Variants in MYT1L observed in about 807,000 individuals in gnomAD.
The protein encoded by MYT1L is myelin transcription factor 1 like, also known as myelin transcription factor 1-like protein.
In MYT1L, 12 loss-of-function variants were observed where a neutral mutation model predicts 126.7. That is an observed-to-expected ratio of 0.09 (90% CI 0.06 to 0.15). MYT1L has a LOEUF of 0.15. Ranked by LOEUF, MYT1L falls within the 10% of genes least tolerant of loss-of-function variation. The probability of loss-of-function intolerance (pLI) is 1.00; values close to 1 mark genes in which losing one functional copy is unlikely to be tolerated. For synonymous variants in MYT1L, 541 were observed against 604.2 expected (o/e 0.90, Z 1.53); for missense variants, 979 against 1,585.2 (o/e 0.62, Z 6.49).
chr2:2,239,657 T>G (rs2094398143), intron 2 of MYT1L, among the ~76,000 whole-genome samples: 1 of 152,208 alleles, frequency 6.6e-6, no homozygotes, highest in Non-Finnish European at 1.5e-5. Flanking sequence ...CAAAACCTGC[T>G]CTCATCACTG....
At chr2:2,018,916 C>T (rs899033858) in intron 4 of MYT1L, among the ~76,000 whole-genome samples, 23 of 152,178 alleles carry the variant, frequency 1.5e-4, no homozygotes, top group African/African-American at 5.6e-4. Flanking sequence ...GGGCATATTA[C>T]ATAGAGCTGG....
chr2:2,248,469 T>A (rs542177576), intron 2 of MYT1L, among the ~76,000 whole-genome samples: 1 of 151,920 alleles, frequency 6.6e-6, no homozygotes, highest in Non-Finnish European at 1.5e-5. Context: ...CCAAAACCAA[T>A]CCTACTCTAA....
intron 3 of MYT1L, among the ~76,000 whole-genome samples, chr2:2,103,746 G>C (rs57543349): frequency 1.3e-5 from 2 of 152,194 alleles, no homozygotes; most frequent in Non-Finnish European, 1.5e-5. Context: ...GGGATGCTCC[G>C]CAGACATACT....
At chr2:1,994,157 G>A (rs1378711098) in intron 5 of MYT1L, among the ~76,000 whole-genome samples, 1 of 152,170 alleles carries the variant, frequency 6.6e-6, no homozygotes, top group African/African-American at 2.4e-5. Context: ...CCCAGTCTCC[G>A]TGGCCTGCAT....
chr2:2,016,343 A>G (rs991894713), intron 4 of MYT1L, among the ~76,000 whole-genome samples: 1 of 152,244 alleles, frequency 6.6e-6, no homozygotes, highest in African/African-American at 2.4e-5. Flanking sequence ...CTGGCCGGGA[A>G]GCTGTCTGAA....
intron 3 of MYT1L, among the ~76,000 whole-genome samples, chr2:2,159,851 C>T (rs1422392385): frequency 1.3e-5 from 2 of 152,102 alleles, no homozygotes; most frequent in East Asian, 3.9e-4. Flanking sequence ...CTTCTGTTTG[C>T]TACTTTTTCT....
rs565382578 is a variant in MYT1L at position 1,826,265 on chromosome 2, C to T, written c.3080+12884G>A. ...CTAGAAGACCGGCACGGTGCTCGGG[C>T]ATGGGACACAGTTCGGCTTCCTGCG... On this transcript the variant is annotated intron_variant, in intron 21 of 24. Transcript: ENST00000647738. 7.9e-5 allele frequency among the ~76,000 whole-genome samples: 12 copies of T among 152,372 alleles called. No individual in the cohort carries two copies. The South Asian group carries it at 1.0e-3, about 13-fold the overall frequency.
chr2:2,191,675 G>A (rs891431604), intron 2 of MYT1L, among the ~76,000 whole-genome samples: 6 of 152,186 alleles, frequency 3.9e-5, no homozygotes, highest in South Asian at 2.1e-4. Context: ...AGCCAGCTAC[G>A]TGTCAGTAAA....
chr2:2,045,267 G>A (rs1418164876), intron 4 of MYT1L, among the ~76,000 whole-genome samples: 1 of 152,240 alleles, frequency 6.6e-6, no homozygotes, highest in Non-Finnish European at 1.5e-5. Context: ...CCATCACTGT[G>A]CAGATATCAC....
intron 3 of MYT1L, among the ~76,000 whole-genome samples, chr2:2,144,142 A>C (rs2084498306): frequency 6.6e-6 from 1 of 152,180 alleles, no homozygotes; most frequent in African/African-American, 2.4e-5. Context: ...TAAAAACAGA[A>C]AAACCAATGT....
intron 18 of MYT1L, among the ~76,000 whole-genome samples, chr2:1,857,050 G>A (rs912789145): frequency 6.6e-6 from 1 of 152,164 alleles, no homozygotes; most frequent in Non-Finnish European, 1.5e-5. Flanking sequence ...ACAGGCCTGG[G>A]AGGCAGGGCC....
chr2:2,000,153 A>T (rs2062224980), intron 4 of MYT1L, among the ~76,000 whole-genome samples: 1 of 152,054 alleles, frequency 6.6e-6, no homozygotes, highest in South Asian at 2.1e-4. Context: ...GGGCAGGAGC[A>T]GGGCAGCCAG....
At chr2:2,248,857 T>C (rs1041808899) in intron 2 of MYT1L, among the ~76,000 whole-genome samples, 1 of 152,112 alleles carries the variant, frequency 6.6e-6, no homozygotes, top group Non-Finnish European at 1.5e-5. Flanking sequence ...AAACTGGGTA[T>C]AGAAATAACA....
At chr2:2,218,956 C>T (rs2093772825) in intron 2 of MYT1L, among the ~76,000 whole-genome samples, 1 of 152,110 alleles carries the variant, frequency 6.6e-6, no homozygotes, top group Non-Finnish European at 1.5e-5. Context: ...AAGACAGAGC[C>T]TTTCATTCCA....
intron 4 of MYT1L, among the ~76,000 whole-genome samples, chr2:2,002,192 A>C (rs11693178): frequency 0.011 from 1,632 of 152,190 alleles, 26 homozygotes; most frequent in African/African-American, 0.037. Flanking sequence ...CAGTTGGAGA[A>C]ACACCGGTGT....
chr2:2,236,383 C>A (rs868633061), intron 2 of MYT1L, among the ~76,000 whole-genome samples: 7 of 148,784 alleles, frequency 4.7e-5, no homozygotes, highest in Admixed American at 2.0e-4. Flanking sequence ...CCAACCCACC[C>A]CAGTACATCC....
At chr2:2,217,687 AC>A (rs1383231332) in intron 2 of MYT1L, among the ~76,000 whole-genome samples, 9,126 of 115,480 alleles carry the variant, frequency 0.079, 1,032 homozygotes, top group Non-Finnish European at 0.095. Context: ...AACAACAACA[AC>A]AACAACAACA....
intron 2 of MYT1L, among the ~76,000 whole-genome samples, chr2:2,263,510 C>T (rs765996677): frequency 5.4e-4 from 82 of 152,114 alleles, no homozygotes; most frequent in Non-Finnish European, 1.9e-4. Context: ...GCCTTTTGCA[C>T]ACAGATACCA....
intron 9 of MYT1L, among the ~76,000 whole-genome samples, chr2:1,927,811 A>G (rs1037554095): frequency 1.3e-5 from 2 of 152,258 alleles, no homozygotes; most frequent in African/African-American, 4.8e-5. Context: ...GTTTTGTTAC[A>G]TAAATAAATC....
Sources: gnomAD v4.1 joint callset for allele counts (sites outside exome capture counted in the v4.1 genomes callset) on GRCh38, gnomAD v4.1.1 for gene constraint, MANE v1.5 for transcripts, NCBI Gene and HGNC (gene_info 2026-07-23, HGNC 2026-07-21) for gene names.